Variants in RANBP17 observed in about 807,000 individuals in gnomAD.
The protein encoded by RANBP17 is RAN binding protein 17, also known as ran-binding protein 17.
A neutral mutation model predicts 141.2 loss-of-function variants in RANBP17; 158 were observed. The observed-to-expected ratio is 1.12, with a 90% CI of 0.98 to 1.28. The LOEUF is 1.28. Ranked by LOEUF, RANBP17 falls within the 50% of genes most tolerant of loss-of-function variation. RANBP17 has a pLI of 0.00. For synonymous variants in RANBP17, 430 were observed against 450.0 expected (o/e 0.96, Z 0.56); for missense variants, 1,438 against 1,290.7 (o/e 1.11, Z -1.75).
chr5:171,004,493 G>T (rs1371526224), intron 14 of RANBP17, among the ~76,000 whole-genome samples: 3 of 152,106 alleles, frequency 2.0e-5, no homozygotes, highest in Non-Finnish European at 4.4e-5. Context: ...CAGTTATGGG[G>T]GCAAGGGAAA....
intron 24 of RANBP17, among the ~76,000 whole-genome samples, chr5:171,247,966 A>G (rs1454791573): frequency 1.3e-5 from 2 of 152,234 alleles, no homozygotes; most frequent in Non-Finnish European, 2.9e-5. Flanking sequence ...TGGCTGACTG[A>G]AGACATCAGA....
chr5:170,909,380 A>G (rs1771335753), intron 5 of RANBP17, among the ~76,000 whole-genome samples: 1 of 151,786 alleles, frequency 6.6e-6, no homozygotes, highest in Non-Finnish European at 1.5e-5. Flanking sequence ...GGAAGTTGTT[A>G]CTGCATGATA....
intron 1 of RANBP17, among the ~76,000 whole-genome samples, chr5:170,866,543 C>T (rs985273495): frequency 4.6e-5 from 7 of 152,122 alleles, no homozygotes; most frequent in Admixed American, 3.9e-4. Context: ...GGCGTGGTGG[C>T]GGGTGCCTGT....
intron 5 of RANBP17, among the ~76,000 whole-genome samples, chr5:170,905,045 TATC>T (rs1207698670): frequency 2.6e-5 from 4 of 152,160 alleles, no homozygotes; most frequent in South Asian, 2.1e-4. Flanking sequence ...ATTGCTTTCT[TATC>T]AAACCAATTG....
At chr5:170,885,793 A>G (rs1769090468) in intron 3 of RANBP17, among the ~76,000 whole-genome samples, 1 of 152,008 alleles carries the variant, frequency 6.6e-6, no homozygotes, top group Admixed American at 6.6e-5. Context: ...AATGTTTCAT[A>G]TGAAAACTAC....
chr5:170,977,848 G>A (rs1247772980), intron 14 of RANBP17, among the ~76,000 whole-genome samples: 1 of 152,050 alleles, frequency 6.6e-6, no homozygotes, highest in East Asian at 1.9e-4. Context: ...GGTTATTGGA[G>A]ATTGGGTAGT....
At chr5:171,146,496 A>G (rs1423209230) in intron 14 of RANBP17, among the ~76,000 whole-genome samples, 3 of 152,174 alleles carry the variant, frequency 2.0e-5, no homozygotes, top group Non-Finnish European at 4.4e-5. Flanking sequence ...ACAGTTGGTA[A>G]TTGTTGGGAC....
chr5:170,869,572 G>A (rs901080455), intron 1 of RANBP17, among the ~76,000 whole-genome samples: 4 of 152,144 alleles, frequency 2.6e-5, no homozygotes, highest in African/African-American at 9.7e-5. Flanking sequence ...GCTTCTGATG[G>A]CTGCTGGCAA....
intron 14 of RANBP17, among the ~76,000 whole-genome samples, chr5:171,043,782 T>C (rs1782398940): frequency 1.3e-5 from 2 of 152,092 alleles, no homozygotes; most frequent in South Asian, 4.1e-4. Context: ...TTTATTGACC[T>C]TCAATGAAGA....
chr5:171,028,942 G>A, intron 14 of RANBP17: 3 of 1,288,330 alleles, frequency 2.3e-6, no homozygotes, highest in South Asian at 2.5e-5. Context: ...CCTTGAGAAC[G>A]ATCTGATTCA....
At chr5:171,090,241 T>C (rs546114208) in intron 14 of RANBP17, among the ~76,000 whole-genome samples, 27 of 152,084 alleles carry the variant, frequency 1.8e-4, no homozygotes, top group Non-Finnish European at 3.5e-4. Flanking sequence ...TGGTCTCAGA[T>C]GGAGATGAGG....
At chr5:171,122,776 C>T (rs113184423) in intron 14 of RANBP17, among the ~76,000 whole-genome samples, 1,718 of 152,290 alleles carry the variant, frequency 0.011, 34 homozygotes, top group African/African-American at 0.039. Flanking sequence ...TTTCTCACAC[C>T]CCTCCCTGCA....
intron 14 of RANBP17, among the ~76,000 whole-genome samples, chr5:171,020,434 T>C (rs1780766450): frequency 6.6e-6 from 1 of 152,328 alleles, no homozygotes; most frequent in South Asian, 2.1e-4. Flanking sequence ...GAACTCATTT[T>C]GTGAATCTCA....
Position 171,061,417 on chromosome 5 carries a change from G to A in RANBP17, c.1710+93040G>A, listed in dbSNP as rs575257246. Among the ~76,000 whole-genome samples, 611 of 151,852 alleles carry A rather than the reference G, an allele frequency of 4.0e-3. 4 individuals carry two copies. The highest frequency in any genetic ancestry group is 0.014 in the African/African-American group (589 of 41,388). On this transcript the variant is annotated intron_variant, in intron 14 of 27. Coordinates refer to ENST00000523189, the MANE Select transcript of RANBP17 (RefSeq NM_022897.5). ...TTTATTTCTGCCTTCATTTCGTTAT[G>A]TACCCAGTAGTCATTCAGGAGCAGG...
intron 15 of RANBP17, among the ~76,000 whole-genome samples, chr5:171,170,849 A>G (rs1307105038): frequency 6.6e-6 from 1 of 152,102 alleles, no homozygotes; most frequent in Non-Finnish European, 1.5e-5. Flanking sequence ...TTGATGGTTC[A>G]TTATTTGGCA....
chr5:171,228,841 A>G (rs1764030652), intron 22 of RANBP17, among the ~76,000 whole-genome samples: 1 of 152,220 alleles, frequency 6.6e-6, no homozygotes, highest in Admixed American at 6.5e-5. Flanking sequence ...ATTTTTAATT[A>G]TGATATATAC....
At chr5:171,151,209 G>C (rs1163924961) in intron 14 of RANBP17, among the ~76,000 whole-genome samples, 1 of 152,116 alleles carries the variant, frequency 6.6e-6, no homozygotes, top group Non-Finnish European at 1.5e-5. Flanking sequence ...TTAAAGGCAT[G>C]GTGTTAATAG....
At chr5:171,231,181 T>C (rs1449684866) in intron 22 of RANBP17, among the ~76,000 whole-genome samples, 1 of 147,294 alleles carries the variant, frequency 6.8e-6, no homozygotes, top group Non-Finnish European at 1.5e-5. Context: ...ACTCCTTACC[T>C]CAAGCAATCC....
In RANBP17 at chr5:170,862,047, T is replaced by G. The variant is rs1766819041; in HGVS notation, c.14T>G (p.Phe5Cys). The change falls in exon 1 of 28, where the codon TTC (phenylalanine) becomes TGC (cysteine). Residue 5 changes from phenylalanine to cysteine, a missense_variant. Transcript: ENST00000523189. The stretch of plus-strand genomic sequence containing the variant: ...CCTCCTGGGAAGATGGCGCTGCACT[T>G]CCAGGTCAGTGTGCTCTGCGCCGCG... MALH[F>C]QSLAELEVLC... 2 of 1,463,876 alleles carry G rather than the reference T, an allele frequency of 1.4e-6. No homozygotes were observed. The highest frequency in any genetic ancestry group is 1.8e-6 in the Non-Finnish European group (2 of 1,114,976). The allele number at this position is 1,463,876 out of a possible 1,614,324, so 90.7% of individuals were successfully genotyped here.
Sources: allele counts gnomAD v4.1 joint callset (sites outside exome capture counted in the v4.1 genomes callset), GRCh38; gene constraint gnomAD v4.1.1; transcripts MANE v1.5; gene names NCBI Gene and HGNC (gene_info 2026-07-23, HGNC 2026-07-21).